The following SEL1L3 variants were observed in gnomAD, a reference collection of about 807,000 sequenced individuals.
SEL1L3 encodes protein sel-1 homolog 3.
Under a neutral mutation model 142.8 loss-of-function variants are expected in SEL1L3, and 76 were observed. That is an observed-to-expected ratio of 0.53 (90% CI 0.44 to 0.64). SEL1L3 has a LOEUF of 0.64. Among genes scored for constraint, SEL1L3 ranks in the 30% least tolerant of loss-of-function variants. SEL1L3 has a pLI of 0.00. For synonymous variants in SEL1L3, 504 were observed against 519.6 expected (o/e 0.97, Z 0.41); for missense variants, 1,262 against 1,381.7 (o/e 0.91, Z 1.37).
chr4:25,862,755 C>T lies in SEL1L3; in HGVS notation c.82G>A (p.Ala28Thr), dbSNP rs1717817191. The T allele has an allele frequency of 8.1e-7, 1 of 1,228,332 alleles. No individual in the cohort carries two copies. Among genetic ancestry groups the T allele is most frequent in the Non-Finnish European group, 1.0e-6 (1 of 985,698 alleles). 76.1% of individuals were successfully genotyped at this position (1,228,332 alleles called of 1,614,324 possible). A position where few individuals can be genotyped will look rare whatever the true frequency, so the allele number is the denominator to read the frequency against. ...PPPLAVGPRAAAMVPSGGVPQ... is the reference protein window; with the variant it reads ...PPPLAVGPRATAMVPSGGVPQ... Reference sequence around the variant, plus strand: ...ACGCCGCCACTCGGGACCATGGCTGCGGCCCGGGGGCCGACCGCGAGCGGC... The same window carrying T: ...ACGCCGCCACTCGGGACCATGGCTGTGGCCCGGGGGCCGACCGCGAGCGGC... The change falls in exon 1 of 24, where the codon GCA becomes ACA. Residue 28 changes from alanine (A) to threonine (T), a missense_variant. This residue lies in a region of SEL1L3 where 689 missense variants were observed against 692.8 expected (regional missense o/e 0.99). Coordinates refer to ENST00000399878, the MANE Select transcript of SEL1L3 (RefSeq NM_015187.5).
intron 5 of SEL1L3, among the ~76,000 whole-genome samples, chr4:25,831,655 A>T (rs964002160): frequency 8.6e-5 from 13 of 151,614 alleles, no homozygotes; most frequent in Admixed American, 5.3e-4. Flanking sequence ...CCTCCCAAGT[A>T]GCTGGGATTA....
rs551723527 is a variant in SEL1L3 at position 25,862,876 on chromosome 4, G to C, written c.-40C>G. Reference sequence around the variant, plus strand: ...GATCCGGGCCGGAACAGGTCACCTGGTGCAGGGACCGGCCCCCGCCCGAGG... The same window carrying C: ...GATCCGGGCCGGAACAGGTCACCTGCTGCAGGGACCGGCCCCCGCCCGAGG... On this transcript the variant is annotated 5_prime_UTR_variant, in exon 1 of 24. Transcript: ENST00000399878. 2.8e-6 allele frequency: 3 copies of C among 1,068,566 alleles called. No homozygotes were observed. Among genetic ancestry groups the C allele is most frequent in the Admixed American group, 1.1e-4 (2 of 18,506 alleles). 66.2% of individuals were successfully genotyped at this position (1,068,566 alleles called of 1,614,324 possible). A position where few individuals can be genotyped will look rare whatever the true frequency, so the allele number is the denominator to read the frequency against.
rs113473358 is a variant in SEL1L3, at chr4:25,833,892, C to T, written c.861-323G>A. Among the ~76,000 whole-genome samples the T allele has an allele frequency of 9.8e-3, 1,490 of 152,118 alleles. 25 individuals carry two copies. Among genetic ancestry groups the T allele is most frequent in the African/African-American group, 0.034 (1,410 of 41,486 alleles). On this transcript the variant is annotated intron_variant, in intron 3 of 23. Coordinates refer to ENST00000399878, the MANE Select transcript of SEL1L3 (RefSeq NM_015187.5). ...CTTGATTAAGGCTTACAAAGTCAGA[C>T]ATAGATTAAAAAAATCTGGATTTTA...
At chr4:25,857,097 T>C (rs1233175553) in intron 1 of SEL1L3, among the ~76,000 whole-genome samples, 1 of 152,196 alleles carries the variant, frequency 6.6e-6, no homozygotes, top group African/African-American at 2.4e-5. Context: ...ACATTTTCCC[T>C]AGATCAAAAA....
rs746794591 is a variant in SEL1L3 at position 25,802,492 on chromosome 4, T to C, written c.1777-30A>G. ...TAGGAAGAAATTGACAAAGCGTTCA[T>C]GAGATTGTAGATAGGGTCATAAAAT... On this transcript the variant is annotated intron_variant, in intron 10 of 23. Coordinates refer to ENST00000399878, the MANE Select transcript of SEL1L3 (RefSeq NM_015187.5). 15 of 1,588,228 alleles carry C rather than the reference T, an allele frequency of 9.4e-6. No homozygotes were observed. In the East Asian group the frequency reaches 1.3e-4, roughly 14 times the overall value.
intron 13 of SEL1L3, 110 bp from the exon 14 acceptor site, chr4:25,784,400 T>C: frequency 1.2e-6 from 1 of 850,474 alleles, no homozygotes; most frequent in Non-Finnish European, 1.9e-6. Context: ...CCTAACTTTC[T>C]TCATTTAAAC....
At chr4:25,762,974 C>CAAA (rs34744540) in intron 20 of SEL1L3, among the ~76,000 whole-genome samples, 3 of 112,908 alleles carry the variant, frequency 2.7e-5, no homozygotes, top group Non-Finnish European at 3.7e-5. Context: ...GACTCTGTGT[C>CAAA]AAAAAAAAAA....
At chr4:25,807,643 A>G (rs1044009000) in intron 9 of SEL1L3, among the ~76,000 whole-genome samples, 9 of 152,144 alleles carry the variant, frequency 5.9e-5, no homozygotes, top group Non-Finnish European at 1.0e-4. Flanking sequence ...ATTTTGCCAG[A>G]GTACCCGTGG....
intron 17 of SEL1L3, among the ~76,000 whole-genome samples, chr4:25,775,283 T>C (rs1461471034): frequency 6.6e-6 from 1 of 152,256 alleles, no homozygotes; most frequent in Non-Finnish European, 1.5e-5. Flanking sequence ...CATTTGGTGC[T>C]TTCTTCATTG....
At chr4:25,793,641 A>T (rs1712509752) in intron 11 of SEL1L3, among the ~76,000 whole-genome samples, 1 of 151,954 alleles carries the variant, frequency 6.6e-6, no homozygotes, top group African/African-American at 2.4e-5. Flanking sequence ...GATGGAGGGG[A>T]TCTGAATTTT....
the SEL1L3 span, chr4:25,720,993 C>T: frequency 6.6e-6 from 1 of 151,974 alleles, no homozygotes; most frequent in Non-Finnish European, 1.5e-5. Context: ...TGGTAGAATG[C>T]CCAGAAGAAA....
At chr4:25,774,019 C>T (rs1719423992) in intron 17 of SEL1L3, among the ~76,000 whole-genome samples, 1 of 152,184 alleles carries the variant, frequency 6.6e-6, no homozygotes, top group African/African-American at 2.4e-5. Flanking sequence ...TAATTGTTCC[C>T]TCTATTCACC....
intron 8 of SEL1L3, 132 bp downstream of exon 8, chr4:25,819,676 G>T: frequency 3.9e-6 from 3 of 760,492 alleles, no homozygotes; most frequent in Non-Finnish European, 6.0e-6. Context: ...AGGGCTCAAG[G>T]TCACACTTGT....
At chr4:25,715,592 C>T in the SEL1L3 span, among the ~76,000 whole-genome samples, 1 of 152,118 alleles carries the variant, frequency 6.6e-6, no homozygotes, top group Non-Finnish European at 1.5e-5. Flanking sequence ...GACATCTACA[C>T]ACGCGTGTGC....
chr4:25,751,934 C>T (rs1002248921), intron 23 of SEL1L3, among the ~76,000 whole-genome samples: 2 of 151,534 alleles, frequency 1.3e-5, no homozygotes, highest in African/African-American at 4.8e-5. Context: ...CATGGTGAAA[C>T]CCTGTCTCTA....
At chr4:25,860,897 G>A (rs921858916) in intron 1 of SEL1L3, among the ~76,000 whole-genome samples, 1 of 152,060 alleles carries the variant, frequency 6.6e-6, no homozygotes. Context: ...TTTTCCCTCT[G>A]TTCTCTTAAT....
At chr4:25,863,205 G>A (rs1030888763), upstream of SEL1L3, among the ~76,000 whole-genome samples, 1 of 20,138 alleles carries the variant, frequency 5.0e-5, no homozygotes, top group Non-Finnish European at 9.4e-5. Flanking sequence ...CCCCCCGCCC[G>A]GGTCGCTGGG....
At chr4:25,839,606 C>T (rs553184392) in intron 2 of SEL1L3, among the ~76,000 whole-genome samples, 4 of 152,226 alleles carry the variant, frequency 2.6e-5, no homozygotes, top group East Asian at 1.9e-4. Context: ...AGGAAGAAAA[C>T]GGGACACAAC....
At chr4:25,779,034 A>G (rs778074380) in intron 16 of SEL1L3, 42 bp downstream of exon 16, 1 of 1,605,804 alleles carries the variant, frequency 6.2e-7, no homozygotes, top group Non-Finnish European at 8.5e-7. Context: ...AGAATATAGG[A>G]TATGGCTTTC....
Sources: gnomAD v4.1 joint callset for allele counts (sites outside exome capture counted in the v4.1 genomes callset) on GRCh38, gnomAD v4.1.1 for gene constraint, gnomAD v4.1.1 regional missense constraint, MANE v1.5 for transcripts, NCBI Gene and HGNC (gene_info 2026-07-23, HGNC 2026-07-21) for gene names.